Variants in CSMD1 observed in about 807,000 individuals in gnomAD.
The protein encoded by CSMD1 is CUB and sushi domain-containing protein 1.
Under a neutral mutation model 417.5 loss-of-function variants are expected in CSMD1, and 213 were observed. That is an observed-to-expected ratio of 0.51 (90% CI 0.46 to 0.57). The LOEUF (loss-of-function observed/expected upper bound fraction) is 0.57. CSMD1 is among the 20% of genes least tolerant of loss of function. The probability of loss-of-function intolerance (pLI) is 0.00; values close to 1 mark genes in which losing one functional copy is unlikely to be tolerated. For synonymous variants in CSMD1, 2,862 were observed against 1,736.8 expected (o/e 1.65, Z -16.11); for missense variants, 6,923 against 4,529.7 (o/e 1.53, Z -15.17).
At chr8:2,996,943 T>A (rs147653660) in intron 54 of CSMD1, among the ~76,000 whole-genome samples, 33 of 152,366 alleles carry the variant, frequency 2.2e-4, no homozygotes, top group Non-Finnish European at 4.4e-4. Flanking sequence ...ATGAAAGCTG[T>A]GATTGAAGCA....
chr8:4,670,735 C>G (rs775452823), intron 1 of CSMD1, among the ~76,000 whole-genome samples: 3 of 152,066 alleles, frequency 2.0e-5, no homozygotes, highest in Non-Finnish European at 4.4e-5. Flanking sequence ...ATAGTTGGCT[C>G]TAAGTGGTTG....
At chr8:4,244,105 C>G (rs1267306455) in intron 3 of CSMD1, among the ~76,000 whole-genome samples, 1 of 152,152 alleles carries the variant, frequency 6.6e-6, no homozygotes, top group Non-Finnish European at 1.5e-5. Flanking sequence ...AAGATGACTA[C>G]TGGGTGCTGT....
At chr8:3,494,209 T>C (rs113433958) in intron 10 of CSMD1, among the ~76,000 whole-genome samples, 2,575 of 152,344 alleles carry the variant, frequency 0.017, 72 homozygotes, top group African/African-American at 0.058. Context: ...CTCTCCTCTA[T>C]ATTTAGTCTT....
chr8:4,611,920 C>G (rs1801195557), intron 2 of CSMD1, among the ~76,000 whole-genome samples: 1 of 152,152 alleles, frequency 6.6e-6, no homozygotes, highest in Non-Finnish European at 1.5e-5. Context: ...TTCTACATTC[C>G]TGAATAGTTA....
chr8:4,683,426 C>A (rs1806168555), intron 1 of CSMD1, among the ~76,000 whole-genome samples: 2 of 152,104 alleles, frequency 1.3e-5, no homozygotes, highest in Admixed American at 1.3e-4. Flanking sequence ...CTCATTATAT[C>A]CTGAAGGACA....
intron 3 of CSMD1, among the ~76,000 whole-genome samples, chr8:4,200,590 C>G (rs940223320): frequency 5.3e-5 from 8 of 152,158 alleles, no homozygotes; most frequent in African/African-American, 2.4e-5. Context: ...GGCCTGGAGG[C>G]TCATGCCTGA....
At chr8:3,569,469 AT>A (rs1346802579) in intron 10 of CSMD1, among the ~76,000 whole-genome samples, 10 of 152,178 alleles carry the variant, frequency 6.6e-5, no homozygotes, top group Non-Finnish European at 1.3e-4. Flanking sequence ...AGAAGTTTGT[AT>A]TGACTAAGAG....
At chr8:4,132,684 C>G (rs979628391) in intron 3 of CSMD1, among the ~76,000 whole-genome samples, 2 of 152,138 alleles carry the variant, frequency 1.3e-5, no homozygotes. Context: ...ATGAGCCTCG[C>G]AACTCAATGT....
In CSMD1 at chr8:4,452,339, AAAC is replaced by A. The variant is rs559984164; in HGVS notation, c.303-32277_303-32275del. Among the ~76,000 whole-genome samples, 211 of 152,314 alleles carry A rather than the reference AAAC, an allele frequency of 1.4e-3. 1 individual carries two copies. Among genetic ancestry groups the A allele is most frequent in the African/African-American group, 4.7e-3 (194 of 41,572 alleles). On this transcript the variant is annotated intron_variant, in intron 2 of 69. Transcript: ENST00000635120. ...TACAGTTTTTGAAAGCAATGGCTCTAAACAAATTCCACTGGGGTGACAAGTACA... is the reference window on the plus strand; with the variant it reads ...TACAGTTTTTGAAAGCAATGGCTCTAAAATTCCACTGGGGTGACAAGTACA...
At position 4,213,889 on chromosome 8, in the gene CSMD1, G is replaced by A. The variant is rs187203603; in HGVS notation, c.416-181790C>T. Among the ~76,000 whole-genome samples, 280 of 152,334 alleles carry A rather than the reference G, an allele frequency of 1.8e-3. 1 individual carries two copies. Among genetic ancestry groups the A allele is most frequent in the Admixed American group, 2.9e-3 (45 of 15,302 alleles). On this transcript the variant is annotated intron_variant, in intron 3 of 69. Coordinates refer to ENST00000635120, the MANE Select transcript of CSMD1 (RefSeq NM_033225.6). ...GATGAGGTGAAGGTGAGGTCCTACA[G>A]ATACTAATGAATGAATGGAGGGATG...
At chr8:3,993,520 G>C (rs1003671742) in intron 5 of CSMD1, among the ~76,000 whole-genome samples, 1 of 152,160 alleles carries the variant, frequency 6.6e-6, no homozygotes, top group Non-Finnish European at 1.5e-5. Flanking sequence ...TCACCAATTA[G>C]ATTGACTTAA....
chr8:3,515,737 T>C (rs1014859549), intron 10 of CSMD1, among the ~76,000 whole-genome samples: 1 of 152,188 alleles, frequency 6.6e-6, no homozygotes, highest in African/African-American at 2.4e-5. Flanking sequence ...TTAATTCAGG[T>C]GTATGCCTTC....
At chr8:4,331,551 G>A (rs943492574) in intron 3 of CSMD1, among the ~76,000 whole-genome samples, 1 of 152,104 alleles carries the variant, frequency 6.6e-6, no homozygotes, top group Admixed American at 6.5e-5. Context: ...CTGGCAGTAT[G>A]AATTAAATCC....
chr8:4,241,492 T>C (rs1265538717), intron 3 of CSMD1, among the ~76,000 whole-genome samples: 2 of 152,198 alleles, frequency 1.3e-5, no homozygotes, highest in Non-Finnish European at 2.9e-5. Flanking sequence ...TGAGGATGTG[T>C]CTTTGAATGT....
chr8:4,451,386 A>C (rs748382894), intron 2 of CSMD1, among the ~76,000 whole-genome samples: 1 of 152,184 alleles, frequency 6.6e-6, no homozygotes. Context: ...TATGGAAGAT[A>C]ATTATTGAAC....
At chr8:3,462,508 A>T (rs1816568716) in intron 12 of CSMD1, among the ~76,000 whole-genome samples, 1 of 152,094 alleles carries the variant, frequency 6.6e-6, no homozygotes, top group Non-Finnish European at 1.5e-5. Flanking sequence ...CATGCGAGGG[A>T]TCTAGGCTGC....
chr8:3,597,513 C>G (rs755101793), intron 8 of CSMD1, among the ~76,000 whole-genome samples: 5 of 152,126 alleles, frequency 3.3e-5, no homozygotes, highest in Non-Finnish European at 7.4e-5. Context: ...TGAGATAAAA[C>G]ATGAGCCACA....
At chr8:3,138,402 T>A (rs551910170) in intron 41 of CSMD1, among the ~76,000 whole-genome samples, 2 of 152,274 alleles carry the variant, frequency 1.3e-5, no homozygotes, top group South Asian at 4.1e-4. Flanking sequence ...CAAGTGACAT[T>A]CACTCCAATT....
chr8:3,021,873 C>G (rs1179137194), intron 51 of CSMD1, among the ~76,000 whole-genome samples: 1 of 147,140 alleles, frequency 6.8e-6, no homozygotes, highest in Non-Finnish European at 1.5e-5. Context: ...ACCCGCAATC[C>G]CACAGCGTCC....
Sources: allele counts gnomAD v4.1 joint callset (sites outside exome capture counted in the v4.1 genomes callset), GRCh38; gene constraint gnomAD v4.1.1; transcripts MANE v1.5; gene names NCBI Gene and HGNC (gene_info 2026-07-23, HGNC 2026-07-21).